UGT1A9: variants seen among roughly 807,000 people sequenced by gnomAD.
UGT1A9 encodes the protein UDP glucuronosyltransferase family 1 member A9.
Under a neutral mutation model 45.0 loss-of-function variants are expected in UGT1A9, and 35 were observed. The ratio of observed to expected loss-of-function variants is 0.78; its 90% CI spans 0.59 to 1.03. UGT1A9 has a LOEUF of 1.03. UGT1A9 is among the 50% of genes least tolerant of loss of function. The probability of loss-of-function intolerance (pLI) is 0.00; values close to 1 mark genes in which losing one functional copy is unlikely to be tolerated. For synonymous variants in UGT1A9, 278 were observed against 250.6 expected, an observed-to-expected ratio of 1.11 and a Z score of -1.03; for missense variants, 687 against 666.6, an observed-to-expected ratio of 1.03 and a Z score of -0.34.
intron 1 of UGT1A9, among the ~76,000 whole-genome samples, chr2:233,730,798 G>C (rs772379862): frequency 4.6e-5 from 7 of 152,122 alleles, no homozygotes; most frequent in Non-Finnish European, 7.3e-5. Flanking sequence ...AGTGATGAAT[G>C]GACATGCGTC....
At chr2:233,705,798 A>G (rs1030197407) in intron 1 of UGT1A9, among the ~76,000 whole-genome samples, 10 of 152,194 alleles carry the variant, frequency 6.6e-5, no homozygotes, top group Non-Finnish European at 1.5e-4. Context: ...CCCCTTGTTC[A>G]AAAATTATTA....
chr2:233,768,836 G>A (rs543894216), intron 4 of UGT1A9, among the ~76,000 whole-genome samples: 3 of 151,834 alleles, frequency 2.0e-5, no homozygotes, highest in African/African-American at 7.3e-5. Flanking sequence ...CACCTGCCTC[G>A]GCCTGCCAAA....
intron 1 of UGT1A9, among the ~76,000 whole-genome samples, chr2:233,727,544 G>A (rs191237726): frequency 2.0e-5 from 3 of 152,260 alleles, no homozygotes; most frequent in South Asian, 2.1e-4. Flanking sequence ...TGTTCCACCC[G>A]TCACCTGGGC....
At chr2:233,712,536 G>A (rs888571538) in intron 1 of UGT1A9, among the ~76,000 whole-genome samples, 10 of 152,228 alleles carry the variant, frequency 6.6e-5, no homozygotes, top group African/African-American at 2.4e-4. Context: ...TTACCCATAT[G>A]TGGGAAGAAA....
At chr2:233,711,416 G>C (rs1339296798) in intron 1 of UGT1A9, among the ~76,000 whole-genome samples, 1 of 152,236 alleles carries the variant, frequency 6.6e-6, no homozygotes, top group Non-Finnish European at 1.5e-5. Flanking sequence ...GGCTCATCAG[G>C]AGGGTGCTTA....
At chr2:233,733,652 A>C (rs2078424412) in intron 1 of UGT1A9, among the ~76,000 whole-genome samples, 1 of 152,240 alleles carries the variant, frequency 6.6e-6, no homozygotes, top group Non-Finnish European at 1.5e-5. Flanking sequence ...CCCAAGGATG[A>C]AGCCGACTTG....
chr2:233,727,225 C>G (rs1417750017), intron 1 of UGT1A9, among the ~76,000 whole-genome samples: 1 of 152,168 alleles, frequency 6.6e-6, no homozygotes, highest in Non-Finnish European at 1.5e-5. Context: ...TCCACATATG[C>G]GGATGGCTCC....
chr2:233,691,825 G>A (rs1224480587), intron 1 of UGT1A9: 1 of 175,252 alleles, frequency 5.7e-6, no homozygotes, highest in African/African-American at 2.4e-5. Context: ...CTAAAGGCAA[G>A]TAACAGTTTG....
chr2:233,720,513 G>C (rs2076864645), intron 1 of UGT1A9, among the ~76,000 whole-genome samples: 1 of 152,034 alleles, frequency 6.6e-6, no homozygotes, highest in Non-Finnish European at 1.5e-5. Context: ...AGGTGAAGCT[G>C]ATCATATCAC....
At chr2:233,762,867 G>T (rs1181874118) in intron 1 of UGT1A9, among the ~76,000 whole-genome samples, 2 of 151,628 alleles carry the variant, frequency 1.3e-5, no homozygotes, top group African/African-American at 2.4e-5. Flanking sequence ...AAGAAATTTT[G>T]GTTTCTTCTC....
intron 1 of UGT1A9, chr2:233,747,264 A>G (rs1440326311): frequency 6.9e-5 from 111 of 1,598,996 alleles, no homozygotes; most frequent in Non-Finnish European, 9.0e-5. Flanking sequence ...CAGGAGTGCT[A>G]CTCCTTCTCA....
intron 1 of UGT1A9, chr2:233,760,635 A>G (rs1697508597): frequency 6.2e-7 from 1 of 1,614,006 alleles, no homozygotes; most frequent in African/African-American, 1.3e-5. Context: ...ACAAGAAAAT[A>G]AAAAAGGACT....
rs1425669197 is a variant in UGT1A9 at position 233,693,475 on chromosome 2, G to A, written c.855+20686G>A. The A allele has an allele frequency of 6.8e-6, 11 of 1,614,046 alleles. No individual in the cohort carries two copies. The Admixed American group carries it at 1.0e-4, about 15-fold the overall frequency. On this transcript the variant is annotated intron_variant, in intron 1 of 4. Coordinates refer to ENST00000354728, the MANE Select transcript of UGT1A9 (RefSeq NM_021027.3). ...CAGACCCAGCCTTACCCTGTGGGGTGATCCTGGCTGAGTATTTGGGCCTAC... is the reference window on the plus strand; with the variant it reads ...CAGACCCAGCCTTACCCTGTGGGGTAATCCTGGCTGAGTATTTGGGCCTAC...
intron 1 of UGT1A9, chr2:233,729,644 T>A: frequency 5.6e-6 from 9 of 1,613,954 alleles, no homozygotes; most frequent in Non-Finnish European, 7.6e-6. Flanking sequence ...GTGTTTTTTT[T>A]GAGGAACATT....
At chr2:233,726,821 A>G (rs4294999) in intron 1 of UGT1A9, among the ~76,000 whole-genome samples, 81,640 of 151,974 alleles carry the variant, frequency 0.54, 23,585 homozygotes, top group African/African-American at 0.76. Context: ...CCTCTATTCG[A>G]CCATTTAAAT....
At chr2:233,767,402 C>T (rs1699387838) in intron 2 of UGT1A9, among the ~76,000 whole-genome samples, 1 of 152,122 alleles carries the variant, frequency 6.6e-6, no homozygotes, top group Non-Finnish European at 1.5e-5. Flanking sequence ...ATCATTTTCT[C>T]TAAGAGACTC....
At chr2:233,767,806 A>G in intron 2 of UGT1A9, 43 bp from the exon 3 acceptor site, 1 of 1,614,116 alleles carries the variant, frequency 6.2e-7, no homozygotes, top group Non-Finnish European at 8.5e-7. Flanking sequence ...TTCTAATCAT[A>G]TTATGTTCTT....
chr2:233,679,589 C>T lies in UGT1A9; in HGVS notation c.855+6800C>T, dbSNP rs113117053. 9.1e-3 allele frequency among the ~76,000 whole-genome samples: 1,388 copies of T among 152,176 alleles called. 20 individuals are homozygous for T. The highest frequency in any genetic ancestry group is 0.032 in the African/African-American group (1,309 of 41,526). On this transcript the variant is annotated intron_variant, in intron 1 of 4. Transcript: ENST00000354728. ...TTTTTGTTTTTTCCAGAATAGGGCA[C>T]TGTCATCTGTATTAAAACCCTGTTC... is the stretch of plus-strand genomic sequence containing the variant.
At chr2:233,708,251 T>C (rs1238096780) in intron 1 of UGT1A9, among the ~76,000 whole-genome samples, 1 of 152,210 alleles carries the variant, frequency 6.6e-6, no homozygotes, top group African/African-American at 2.4e-5. Flanking sequence ...GTGTACACTT[T>C]CCTTCATATC....
Sources: gnomAD v4.1 joint callset for allele counts (sites outside exome capture counted in the v4.1 genomes callset) on GRCh38, gnomAD v4.1.1 for gene constraint, MANE v1.5 for transcripts, NCBI Gene and HGNC (gene_info 2026-07-23, HGNC 2026-07-21) for gene names.